Variants in USH1C observed in about 807,000 individuals in gnomAD.
USH1C encodes the protein harmonin.
USH1C carries 90 observed loss-of-function variants against 119.3 expected under a neutral mutation model. That is an observed-to-expected ratio of 0.75 (90% CI 0.64 to 0.90). USH1C has a LOEUF of 0.90. Among genes scored for constraint, USH1C ranks in the 40% least tolerant of loss-of-function variants. The pLI, the probability that USH1C is intolerant of heterozygous loss-of-function variation, is 0.00. For missense variants in USH1C, 1,165 were observed against 1,167.7 expected, an observed-to-expected ratio of 1.00 and a Z score of 0.03; for synonymous variants, 465 against 443.3, an observed-to-expected ratio of 1.05 and a Z score of -0.62.
intron 18 of USH1C, among the ~76,000 whole-genome samples, chr11:17,508,736 G>A (rs1446599411): frequency 6.6e-6 from 1 of 152,064 alleles, no homozygotes; most frequent in Non-Finnish European, 1.5e-5. Flanking sequence ...TTATTTCTAG[G>A]AACTCTCTCA....
chr11:17,525,923 G>A (rs1196566126), intron 8 of USH1C, among the ~76,000 whole-genome samples: 4 of 152,226 alleles, frequency 2.6e-5, no homozygotes, highest in Non-Finnish European at 5.9e-5. Context: ...CACCAAGGCT[G>A]GGTGCGGTGC....
intron 4 of USH1C, among the ~76,000 whole-genome samples, chr11:17,528,414 C>G (rs1367659301): frequency 1.3e-5 from 2 of 152,252 alleles, no homozygotes; most frequent in Non-Finnish European, 2.9e-5. Flanking sequence ...TCTCAGATAA[C>G]AGCTGAAGCT....
intron 21 of USH1C, 70 bp from the exon 22 acceptor site, chr11:17,501,605 G>A: frequency 6.6e-7 from 1 of 1,521,798 alleles, no homozygotes; most frequent in Non-Finnish European, 9.0e-7. Context: ...GGGCTGGAAG[G>A]GGAATCCAGG....
intron 24 of USH1C, 27 bp from the exon 25 acceptor site, chr11:17,496,840 G>A: frequency 6.2e-7 from 1 of 1,613,660 alleles, no homozygotes; most frequent in Non-Finnish European, 8.5e-7. Context: ...TGTGACTCTG[G>A]GGCACACTCA....
chr11:17,541,016 C>G (rs1377560229), intron 1 of USH1C, among the ~76,000 whole-genome samples: 1 of 152,226 alleles, frequency 6.6e-6, no homozygotes, highest in African/African-American at 2.4e-5. Flanking sequence ...CTGTTCCATA[C>G]AGGCGGGCAT....
chr11:17,526,920 G>A, intron 6 of USH1C, 96 bp downstream of exon 6: 2 of 1,575,690 alleles, frequency 1.3e-6, no homozygotes, highest in South Asian at 1.2e-5. Context: ...CACTGGCCCA[G>A]AAGCAGGGCT....
Position 17,509,440 on chromosome 11 carries a change from T to A in USH1C, c.1929A>T (p.Pro643=), listed in dbSNP as rs1036084697. The change falls in exon 18 of 27, where the codon CCA becomes CCT. Residue 643 remains proline (P), a synonymous_variant. Coordinates refer to ENST00000005226, the MANE Select transcript of USH1C (RefSeq NM_153676.4). The stretch of plus-strand genomic sequence containing the variant: ...GGTTCTTTGCCTCCCAGTCCTCCAC[T>A]GGATTGCCTGTGTCCCCAGTGCGGA... ...HPFRTGDTGN[P]VEDWEAKNHS... The A allele has an allele frequency of 6.2e-7, 1 of 1,608,944 alleles. No homozygotes were observed.
intron 14 of USH1C, chr11:17,517,250 G>A: frequency 1.3e-6 from 1 of 798,204 alleles, no homozygotes; most frequent in Non-Finnish European, 2.1e-6. Context: ...TACAGTGCTT[G>A]GGCCAAGCTG....
At chr11:17,505,475 A>C (rs1304779032) in intron 19 of USH1C, among the ~76,000 whole-genome samples, 1 of 152,228 alleles carries the variant, frequency 6.6e-6, no homozygotes, top group Non-Finnish European at 1.5e-5. Flanking sequence ...CCTTTCCTCG[A>C]GTGTTAAACA....
In USH1C at chr11:17,502,037, C is replaced by T. The variant is rs908151513; in HGVS notation, c.2185-57G>A. 4.4e-6 allele frequency: 7 copies of T among 1,574,614 alleles called. No individual in the cohort carries two copies. In the African/African-American group the frequency reaches 6.8e-5, roughly 15 times the overall value. ...CAGCAGAGGGTCTTGAGGGTCAGAG[C>T]CGAGGAGTAGGGGGATGAATGGTCG... On this transcript the variant is annotated intron_variant, in intron 20 of 26. Transcript: ENST00000005226.
chr11:17,531,571 C>T lies in USH1C; in HGVS notation c.105-29G>A, dbSNP rs143531931. On this transcript the variant is annotated intron_variant, in intron 2 of 26. Transcript: ENST00000005226. This position sits in a 1 kb window ranked among gnomAD's most constrained non-coding sequence, Gnocchi z 4.2. Reference sequence around the variant, plus strand: ...TGGAGATGCCGGGAATGCCTGGAGCCTCACCCCTGGCCATGACCTCAGGCA... The same window carrying T: ...TGGAGATGCCGGGAATGCCTGGAGCTTCACCCCTGGCCATGACCTCAGGCA... The T allele has an allele frequency of 2.5e-6, 4 of 1,610,632 alleles. No individual in the cohort carries two copies. Among genetic ancestry groups the T allele is most frequent in the Non-Finnish European group, 2.5e-6 (3 of 1,179,842 alleles).
At chr11:17,513,770 T>C (rs187347921) in intron 15 of USH1C, among the ~76,000 whole-genome samples, 1 of 152,146 alleles carries the variant, frequency 6.6e-6, no homozygotes, top group East Asian at 1.9e-4. Flanking sequence ...AGTAAGAGCC[T>C]GGCCTCCTCC....
chr11:17,509,299 A>C (rs1053320493), intron 18 of USH1C, 57 bp downstream of exon 18: 1 of 1,512,624 alleles, frequency 6.6e-7, no homozygotes, highest in Non-Finnish European at 8.9e-7. Context: ...CATGGGAAAC[A>C]GCAGTTCTCC....
chr11:17,534,598 G>C (rs72870330), intron 1 of USH1C, among the ~76,000 whole-genome samples: 15,483 of 152,250 alleles, frequency 0.1, 966 homozygotes, highest in South Asian at 0.26. Context: ...GCTAGGGCTG[G>C]GTGCGGTGGC....
Position 17,533,367 on chromosome 11 carries a change from G to C in USH1C, c.37-45C>G, listed in dbSNP as rs2240489. On this transcript the variant is annotated intron_variant, in intron 1 of 26. Coordinates refer to ENST00000005226, the MANE Select transcript of USH1C (RefSeq NM_153676.4). ...AATCACAGCTCCAGGCTCAGCACCC[G>C]CCCCCATAGCAGACCTCAGGGAGGA... The C allele has an allele frequency of 0.54, 742,873 of 1,379,248 alleles. 202,227 individuals are homozygous for C. The highest frequency in any genetic ancestry group is 0.63 in the African/African-American group (42,020 of 66,294). 85.4% of individuals were successfully genotyped at this position (1,379,248 alleles called of 1,614,324 possible).
At chr11:17,502,497 C>T (rs1314263937) in intron 20 of USH1C, among the ~76,000 whole-genome samples, 1 of 152,216 alleles carries the variant, frequency 6.6e-6, no homozygotes, top group East Asian at 1.9e-4. Flanking sequence ...AGCCCACGGA[C>T]AACAAGAAGA....
Position 17,498,270 on chromosome 11 carries a change from ACCTGCAGG to A in USH1C, c.2381-7_2381del. The A allele has an allele frequency of 1.9e-6, 3 of 1,613,988 alleles. No individual in the cohort carries two copies. Among genetic ancestry groups the A allele is most frequent in the Non-Finnish European group, 2.5e-6 (3 of 1,179,958 alleles). Reference sequence around the variant, plus strand: ...TGATCTCGTCCCCTTTCACAATGCCACCTGCAGGCAGATGAGGCTGATTGGCCAACTGG... The same window carrying A: ...TGATCTCGTCCCCTTTCACAATGCCACAGATGAGGCTGATTGGCCAACTGG... On this transcript the variant is annotated splice_acceptor_variant and splice_polypyrimidine_tract_variant and coding_sequence_variant and intron_variant, in exon 24 of 27. Transcript: ENST00000005226. LOFTEE classifies it high-confidence loss of function.
intron 18 of USH1C, among the ~76,000 whole-genome samples, chr11:17,508,945 A>T (rs1014170044): frequency 9.2e-5 from 14 of 152,294 alleles, no homozygotes; most frequent in African/African-American, 3.4e-4. Flanking sequence ...CCGTTAAATC[A>T]GGAGCCATTT....
intron 23 of USH1C, among the ~76,000 whole-genome samples, chr11:17,499,100 T>A (rs1301456113): frequency 6.6e-6 from 1 of 152,260 alleles, no homozygotes. Context: ...TGTGCTAACA[T>A]GCACTGCAGC....
Sources: allele counts gnomAD v4.1 joint callset (sites outside exome capture counted in the v4.1 genomes callset), GRCh38; gene constraint gnomAD v4.1.1; non-coding constraint Gnocchi (gnomAD v3.1); transcripts MANE v1.5; gene names NCBI Gene and HGNC (gene_info 2026-07-23, HGNC 2026-07-21).